The following DTNBP1 variants were observed in gnomAD, a reference collection of about 807,000 sequenced individuals.
The protein encoded by DTNBP1 is dysbindin.
Under a neutral mutation model 42.8 loss-of-function variants are expected in DTNBP1, and 35 were observed. The observed-to-expected ratio is 0.82, with a 90% CI of 0.63 to 1.09. The LOEUF (loss-of-function observed/expected upper bound fraction) is 1.09. Among genes scored for constraint, DTNBP1 ranks in the 50% least tolerant of loss-of-function variants. The pLI is 0.00. For missense variants in DTNBP1, 457 were observed against 424.2 expected, an observed-to-expected ratio of 1.08 and a Z score of -0.68; for synonymous variants, 171 against 162.2, an observed-to-expected ratio of 1.05 and a Z score of -0.41.
chr6:15,630,083 G>A (rs1445728792), intron 4 of DTNBP1, among the ~76,000 whole-genome samples: 1 of 152,104 alleles, frequency 6.6e-6, no homozygotes, highest in Non-Finnish European at 1.5e-5. Context: ...AACCCATAGT[G>A]CTTTATTCCA....
At chr6:15,523,785 C>A in intron 9 of DTNBP1, 1 of 1,287,240 alleles carries the variant, frequency 7.8e-7, no homozygotes, top group Non-Finnish European at 1.0e-6. Flanking sequence ...AGGGCAAATG[C>A]ACCCAAGCTC....
At chr6:15,548,466 C>G (rs1341885558) in intron 7 of DTNBP1, 1 of 152,042 alleles carries the variant, frequency 6.6e-6, no homozygotes, top group African/African-American at 2.4e-5. Flanking sequence ...CACACACACA[C>G]ACACACACAC....
At chr6:15,547,753 T>TGG (rs1773966435) in intron 7 of DTNBP1, among the ~76,000 whole-genome samples, 1 of 152,202 alleles carries the variant, frequency 6.6e-6, no homozygotes, top group Non-Finnish European at 1.5e-5. Flanking sequence ...GCTTGGTGGC[T>TGG]TCCACACAGA....
chr6:15,586,483 T>C (rs1049229503), intron 7 of DTNBP1, among the ~76,000 whole-genome samples: 4 of 152,000 alleles, frequency 2.6e-5, no homozygotes, highest in African/African-American at 7.3e-5. Context: ...TCCCTCTCTA[T>C]AGCTTCTGTT....
chr6:15,604,482 T>C (rs1022494166), intron 6 of DTNBP1, among the ~76,000 whole-genome samples: 2 of 152,096 alleles, frequency 1.3e-5, no homozygotes, highest in Non-Finnish European at 2.9e-5. Flanking sequence ...GAGAATGCTG[T>C]TGGTTTCTTC....
chr6:15,660,438 C>T, intron 1 of DTNBP1: 3 of 1,289,804 alleles, frequency 2.3e-6, no homozygotes, highest in Non-Finnish European at 3.0e-6. Flanking sequence ...AGACTGACAT[C>T]ACTTGGAGAT....
chr6:15,627,577 A>G, intron 4 of DTNBP1, 102 bp from the exon 5 acceptor site: 1 of 1,499,500 alleles, frequency 6.7e-7, no homozygotes, highest in Non-Finnish European at 9.0e-7. Context: ...CAACCCCTCT[A>G]CTCAGTAGAG....
intron 7 of DTNBP1, among the ~76,000 whole-genome samples, chr6:15,580,466 C>A (rs1775779096): frequency 6.6e-6 from 1 of 152,148 alleles, no homozygotes; most frequent in Non-Finnish European, 1.5e-5. Flanking sequence ...ATGCTTATTA[C>A]AGCACAAGTT....
intron 7 of DTNBP1, among the ~76,000 whole-genome samples, chr6:15,535,214 G>A (rs1285758889): frequency 6.6e-6 from 1 of 152,096 alleles, no homozygotes; most frequent in Non-Finnish European, 1.5e-5. Flanking sequence ...TCTCCACCTT[G>A]TGAAGGAGCC....
At chr6:15,527,495 T>C (rs749729575) in intron 8 of DTNBP1, among the ~76,000 whole-genome samples, 1 of 152,216 alleles carries the variant, frequency 6.6e-6, no homozygotes, top group African/African-American at 2.4e-5. Flanking sequence ...ATTATGAATG[T>C]CAAAATTTGT....
At chr6:15,609,701 C>T (rs768409707) in intron 6 of DTNBP1, among the ~76,000 whole-genome samples, 6 of 152,164 alleles carry the variant, frequency 3.9e-5, no homozygotes, top group African/African-American at 7.2e-5. Context: ...TTATAGTCTA[C>T]GTATTTCAGT....
chr6:15,525,276 G>A (rs1772304914), intron 8 of DTNBP1, among the ~76,000 whole-genome samples: 1 of 152,340 alleles, frequency 6.6e-6, no homozygotes, highest in East Asian at 1.9e-4. Context: ...CTCTGCCCGG[G>A]CACTGAGCAC....
intron 7 of DTNBP1, among the ~76,000 whole-genome samples, chr6:15,574,359 C>A (rs1255749259): frequency 6.6e-6 from 1 of 152,110 alleles, no homozygotes; most frequent in African/African-American, 2.4e-5. Flanking sequence ...AGATGGATCA[C>A]CGGATTTCAG....
At chr6:15,597,558 A>G (rs555262346) in intron 6 of DTNBP1, among the ~76,000 whole-genome samples, 4 of 152,352 alleles carry the variant, frequency 2.6e-5, no homozygotes, top group Admixed American at 6.5e-5. Flanking sequence ...TTTTCCAAGA[A>G]GACTTCATTG....
At chr6:15,595,178 T>G (rs1366112996) in intron 6 of DTNBP1, 1 of 450,744 alleles carries the variant, frequency 2.2e-6, no homozygotes, top group Non-Finnish European at 4.4e-6. Context: ...ACCCAATTCC[T>G]AAAACAGATG....
chr6:15,611,470 A>G (rs528211029), intron 6 of DTNBP1, among the ~76,000 whole-genome samples: 9 of 152,342 alleles, frequency 5.9e-5, no homozygotes, highest in African/African-American at 2.2e-4. Flanking sequence ...AGCCTATGGA[A>G]TAAGGAGTCA....
chr6:15,616,775 C>A (rs563268040), intron 5 of DTNBP1, among the ~76,000 whole-genome samples: 51 of 152,068 alleles, frequency 3.4e-4, no homozygotes, highest in African/African-American at 1.2e-3. Flanking sequence ...CTAGAGAGAG[C>A]AATTAGGCAC....
intron 6 of DTNBP1, among the ~76,000 whole-genome samples, chr6:15,600,021 T>C: frequency 6.6e-6 from 1 of 152,098 alleles, no homozygotes; most frequent in East Asian, 1.9e-4. Context: ...TTGCCATTTA[T>C]AGCTGATAGG....
intron 4 of DTNBP1, among the ~76,000 whole-genome samples, chr6:15,633,348 G>C (rs1034105832): frequency 3.3e-5 from 5 of 152,124 alleles, no homozygotes; most frequent in Non-Finnish European, 5.9e-5. Context: ...AAATCTCCTG[G>C]AAAGAATACA....
Sources: allele counts gnomAD v4.1 joint callset (sites outside exome capture counted in the v4.1 genomes callset), GRCh38; gene constraint gnomAD v4.1.1; transcripts MANE v1.5; gene names NCBI Gene and HGNC (gene_info 2026-07-23, HGNC 2026-07-21).